The following SPTLC3 variants were observed in gnomAD, a reference collection of about 807,000 sequenced individuals.
SPTLC3 encodes the protein serine palmitoyltransferase long chain base subunit 3.
SPTLC3 carries 36 observed loss-of-function variants against 59.3 expected under a neutral mutation model. That is an observed-to-expected ratio of 0.61 (90% CI 0.47 to 0.80). The LOEUF (loss-of-function observed/expected upper bound fraction) is 0.80. SPTLC3 is among the 30% of genes least tolerant of loss of function. The pLI is 0.00. For missense variants in SPTLC3, 625 were observed against 685.1 expected (o/e 0.91, Z 0.98); for synonymous variants, 257 against 240.8 (o/e 1.07, Z -0.62).
In SPTLC3 at chr20:13,164,828, T is replaced by G; in HGVS notation, c.1620T>G (p.Pro540=). The G allele has an allele frequency of 6.2e-7, 1 of 1,613,796 alleles. No individual in the cohort carries two copies. Among genetic ancestry groups the G allele is most frequent in the Non-Finnish European group, 8.5e-7 (1 of 1,179,828 alleles). Residue 540 remains proline (P), a synonymous_variant, in exon 12 of 12, where the codon CCT becomes CCG. Transcript: ENST00000399002. ...KYSRHKKSAR[P]ELYDETSFEL... ...CCCGGCACAAGAAGTCAGCACGTCC[T>G]GAGCTCTATGATGAGACGAGCTTTG... is the stretch of plus-strand genomic sequence containing the variant.
rs940985291 is a variant in SPTLC3 at position 13,058,971 on chromosome 20, C to T, written c.303+9841C>T. Among the ~76,000 whole-genome samples the T allele has an allele frequency of 2.0e-5, 3 of 152,266 alleles. No individual in the cohort carries two copies. The East Asian group carries it at 5.8e-4, about 29-fold the overall frequency. The stretch of plus-strand genomic sequence containing the variant: ...TGTCCCAAAGAACCAACCGTCAACA[C>T]AAATTTCAGTCTCTATGTTAAGGGC... On this transcript the variant is annotated intron_variant, in intron 2 of 11. Transcript: ENST00000399002.
At chr20:13,086,371 C>T (rs545798556) in intron 4 of SPTLC3, among the ~76,000 whole-genome samples, 1 of 152,254 alleles carries the variant, frequency 6.6e-6, no homozygotes, top group South Asian at 2.1e-4. Context: ...TTCATTATTC[C>T]TTTAAAAATC....
intron 1 of SPTLC3, among the ~76,000 whole-genome samples, chr20:13,043,610 C>T (rs759737744): frequency 6.6e-6 from 1 of 152,216 alleles, no homozygotes; most frequent in Non-Finnish European, 1.5e-5. Flanking sequence ...TGCTCTTCAT[C>T]CTGTCTCCCT....
intron 4 of SPTLC3, among the ~76,000 whole-genome samples, chr20:13,076,619 C>CA (rs34805419): frequency 0.22 from 32,158 of 146,474 alleles, 3,760 homozygotes; most frequent in African/African-American, 0.32. Context: ...ATTATTTTGA[C>CA]AAAAAAAAAA....
chr20:13,031,385 C>T (rs1010259658), intron 1 of SPTLC3, among the ~76,000 whole-genome samples: 33 of 152,244 alleles, frequency 2.2e-4, no homozygotes, highest in African/African-American at 7.7e-4. Context: ...AGATCTAAAC[C>T]GTGAGAGCAG....
chr20:13,032,466 A>G (rs773364383), intron 1 of SPTLC3, among the ~76,000 whole-genome samples: 1 of 152,190 alleles, frequency 6.6e-6, no homozygotes, highest in Non-Finnish European at 1.5e-5. Flanking sequence ...AAGGCGTTCC[A>G]TTATTCAATT....
intron 2 of SPTLC3, chr20:13,050,280 G>A (rs1286294954): frequency 6.6e-6 from 1 of 152,090 alleles, no homozygotes; most frequent in Non-Finnish European, 1.5e-5. Context: ...TTTTAGAAAT[G>A]CAAAATGCTC....
At chr20:13,018,005 C>T (rs986124275) in intron 1 of SPTLC3, among the ~76,000 whole-genome samples, 1 of 152,138 alleles carries the variant, frequency 6.6e-6, no homozygotes, top group Admixed American at 6.5e-5. Flanking sequence ...ACCAAGTATC[C>T]TTGCTCTGTT....
chr20:13,046,854 C>G (rs1987256215), intron 1 of SPTLC3, among the ~76,000 whole-genome samples: 1 of 152,088 alleles, frequency 6.6e-6, no homozygotes, highest in Non-Finnish European at 1.5e-5. Flanking sequence ...AACAAATGCC[C>G]TATATACAAG....
intron 4 of SPTLC3, among the ~76,000 whole-genome samples, chr20:13,089,783 C>G (rs1165813510): frequency 3.1e-5 from 3 of 98,066 alleles, no homozygotes; most frequent in East Asian, 2.5e-4. Flanking sequence ...GAGATTCTAT[C>G]TCAAAAAAAA....
At chr20:13,152,500 T>C (rs1176646645) in intron 9 of SPTLC3, among the ~76,000 whole-genome samples, 2 of 152,210 alleles carry the variant, frequency 1.3e-5, no homozygotes, top group Admixed American at 1.3e-4. Flanking sequence ...ATCAGGACTC[T>C]CAGTGTCCTG....
intron 7 of SPTLC3, among the ~76,000 whole-genome samples, chr20:13,115,761 GATTCACTAA>G (rs1272761611): frequency 2.6e-5 from 4 of 152,174 alleles, no homozygotes; most frequent in East Asian, 3.9e-4. Context: ...GGGCCGTAAC[GATTCACTAA>G]ATGCCCATCA....
intron 1 of SPTLC3, among the ~76,000 whole-genome samples, chr20:13,028,040 G>C (rs985945104): frequency 6.6e-6 from 1 of 152,110 alleles, no homozygotes; most frequent in African/African-American, 2.4e-5. Context: ...GTCAATTCAC[G>C]CCTTGGTTCC....
chr20:13,155,329 T>C (rs1362236111), intron 10 of SPTLC3, among the ~76,000 whole-genome samples: 2 of 152,174 alleles, frequency 1.3e-5, no homozygotes, highest in South Asian at 2.1e-4. Flanking sequence ...ATGTAACCCA[T>C]TGCTGGAACT....
chr20:13,106,717 T>C (rs1409309012), intron 6 of SPTLC3, among the ~76,000 whole-genome samples: 2 of 152,200 alleles, frequency 1.3e-5, no homozygotes, highest in Non-Finnish European at 1.5e-5. Context: ...AACCGTGCCC[T>C]ACGTGCCATT....
intron 7 of SPTLC3, among the ~76,000 whole-genome samples, chr20:13,114,530 A>T (rs946098806): frequency 6.6e-6 from 1 of 152,210 alleles, no homozygotes; most frequent in Admixed American, 6.5e-5. Context: ...ATATATAAAC[A>T]TATGCACATA....
intron 4 of SPTLC3, among the ~76,000 whole-genome samples, chr20:13,088,649 C>T (rs1386123190): frequency 6.8e-6 from 1 of 147,030 alleles, no homozygotes; most frequent in African/African-American, 2.5e-5. Context: ...GATGAAGTCT[C>T]TCTCTGTCGC....
chr20:13,072,437 G>A (rs775189388), intron 3 of SPTLC3, 27 bp downstream of exon 3: 10 of 1,531,240 alleles, frequency 6.5e-6, no homozygotes, highest in Admixed American at 2.2e-5. Context: ...GAGGGGATTG[G>A]TGAAAAGAAA....
At chr20:13,063,805 C>T (rs1232195886) in intron 2 of SPTLC3, among the ~76,000 whole-genome samples, 1 of 151,596 alleles carries the variant, frequency 6.6e-6, no homozygotes, top group Non-Finnish European at 1.5e-5. Flanking sequence ...CAGGCGCCCG[C>T]CACCACACCC....
Sources: gnomAD v4.1 joint callset for allele counts (sites outside exome capture counted in the v4.1 genomes callset) on GRCh38, gnomAD v4.1.1 for gene constraint, MANE v1.5 for transcripts, NCBI Gene and HGNC (gene_info 2026-07-23, HGNC 2026-07-21) for gene names.